The following PAX3 variants were observed in gnomAD, a reference collection of about 807,000 sequenced individuals.
The protein encoded by PAX3 is paired box 3.
Under a neutral mutation model 51.6 loss-of-function variants are expected in PAX3, and 14 were observed. The observed-to-expected ratio is 0.27, with a 90% CI of 0.18 to 0.42. The LOEUF is 0.42. Ranked by LOEUF, PAX3 falls within the 10% of genes least tolerant of loss-of-function variation. The pLI is 1.00. For synonymous variants in PAX3, 280 were observed against 253.4 expected, an observed-to-expected ratio of 1.11 and a Z score of -1.00; for missense variants, 540 against 642.8, an observed-to-expected ratio of 0.84 and a Z score of 1.73.
intron 4 of PAX3, among the ~76,000 whole-genome samples, chr2:222,282,742 T>C (rs139653619): frequency 2.2e-3 from 340 of 152,144 alleles, no homozygotes; most frequent in African/African-American, 8.0e-3. Context: ...AAATAGTAAA[T>C]AGGGAAAAAG....
intron 4 of PAX3, chr2:222,293,864 G>A (rs1309946122): frequency 1.9e-6 from 3 of 1,611,196 alleles, no homozygotes; most frequent in Non-Finnish European, 2.5e-6. Context: ...TGGCAACAGA[G>A]TGAGAGCTTC....
intron 4 of PAX3, among the ~76,000 whole-genome samples, chr2:222,291,681 C>A (rs1695044142): frequency 6.6e-6 from 1 of 152,126 alleles, no homozygotes; most frequent in Non-Finnish European, 1.5e-5. Flanking sequence ...GGTCAGGGGA[C>A]CCCAAAGTTC....
intron 4 of PAX3, among the ~76,000 whole-genome samples, chr2:222,250,937 C>T (rs1009647971): frequency 6.6e-6 from 1 of 152,104 alleles, no homozygotes; most frequent in African/African-American, 2.4e-5. Flanking sequence ...CTGACTGCCA[C>T]TGCTCCTGGA....
chr2:222,243,891 T>A (rs1299310889), intron 4 of PAX3, among the ~76,000 whole-genome samples: 1 of 152,188 alleles, frequency 6.6e-6, no homozygotes, highest in Non-Finnish European at 1.5e-5. Flanking sequence ...CTGAGCTTAA[T>A]CCTTGCTGGC....
In PAX3 at chr2:222,291,555, C is replaced by T. The variant is rs539954675; in HGVS notation, c.586+2612G>A. ...TCTGACCTCATTCAAAGTGGCTCAA[C>T]CCTTTTGTCCTAGTGTCTGCCAAGC... is the stretch of plus-strand genomic sequence containing the variant. On this transcript the variant is annotated intron_variant, in intron 4 of 8. Transcript: ENST00000392070. 1.6e-4 allele frequency among the ~76,000 whole-genome samples: 24 copies of T among 152,278 alleles called. No homozygotes were observed. The South Asian group carries it at 4.8e-3, about 30-fold the overall frequency.
chr2:222,252,809 C>A (rs1461579099), intron 4 of PAX3, among the ~76,000 whole-genome samples: 2 of 152,082 alleles, frequency 1.3e-5, no homozygotes, highest in South Asian at 2.1e-4. Flanking sequence ...CAAAACTGAG[C>A]TATTGCTCAG....
chr2:222,225,964 G>A (rs984013937), intron 5 of PAX3, among the ~76,000 whole-genome samples: 1 of 152,110 alleles, frequency 6.6e-6, no homozygotes, highest in African/African-American at 2.4e-5. Context: ...CTTGAATGGA[G>A]GCTTAGGTCA....
In PAX3 at chr2:222,298,961, G is replaced by A. The variant is rs1695464329; in HGVS notation, c.-346C>T. 4.4e-6 allele frequency: 2 copies of A among 458,434 alleles called. No homozygotes were observed. The highest frequency in any genetic ancestry group is 1.9e-5 in the African/African-American group (1 of 51,480). 28.4% of individuals were successfully genotyped at this position (458,434 alleles called of 1,614,324 possible). On this transcript the variant is annotated 5_prime_UTR_variant, in exon 1 of 9. Transcript: ENST00000392070. ...GGGGAGCCTGGTGAGGCTGGAGCGC[G>A]GCCTGCCTGAGTCTCCTCCTGTGGT...
At chr2:222,278,527 G>A (rs1694511326) in intron 4 of PAX3, among the ~76,000 whole-genome samples, 1 of 152,172 alleles carries the variant, frequency 6.6e-6, no homozygotes, top group Admixed American at 6.5e-5. Flanking sequence ...TTGTCCTTCT[G>A]CTTTTTGCCA....
In PAX3 at chr2:222,200,875, G is replaced by C. The variant is rs980634930; in HGVS notation, c.*533C>G. ...GCATTTATCTTTATTTCAATTTCCA[G>C]TGTGTAAGAGTCAAGGATTCCTCCA... On this transcript the variant is annotated 3_prime_UTR_variant, in exon 9 of 9. Coordinates refer to ENST00000392070, the MANE Select transcript of PAX3 (RefSeq NM_181458.4). The C allele has an allele frequency of 2.3e-6, 1 of 426,940 alleles. No individual in the cohort carries two copies. The highest frequency in any genetic ancestry group is 2.0e-5 in the African/African-American group (1 of 50,398). 26.4% of individuals were successfully genotyped at this position (426,940 alleles called of 1,614,324 possible).
At chr2:222,211,294 A>G (rs952809542) in intron 7 of PAX3, among the ~76,000 whole-genome samples, 5 of 152,214 alleles carry the variant, frequency 3.3e-5, no homozygotes, top group Non-Finnish European at 5.9e-5. Flanking sequence ...AAGTTGAACA[A>G]GAAGGTACAG....
chr2:222,220,535 C>G (rs1176226712), intron 6 of PAX3, among the ~76,000 whole-genome samples, 181 bp from the exon 7 acceptor site: 1 of 152,124 alleles, frequency 6.6e-6, no homozygotes, highest in Admixed American at 6.5e-5. Context: ...ACAGTCACAC[C>G]TATCTCTGCA....
chr2:222,292,542 C>A (rs899630013), intron 4 of PAX3, among the ~76,000 whole-genome samples: 3 of 152,212 alleles, frequency 2.0e-5, no homozygotes. Context: ...AGCCAGTCTG[C>A]CAGCGCCGGA....
chr2:222,284,349 C>T (rs1694750769), intron 4 of PAX3, among the ~76,000 whole-genome samples: 1 of 152,128 alleles, frequency 6.6e-6, no homozygotes, highest in African/African-American at 2.4e-5. Flanking sequence ...TCCTGATCTG[C>T]TGAAAAAACT....
At chr2:222,280,394 AAAAG>A (rs1294106161) in intron 4 of PAX3, among the ~76,000 whole-genome samples, 14 of 148,498 alleles carry the variant, frequency 9.4e-5, no homozygotes, top group Admixed American at 3.4e-4. Context: ...GAAGGAAGGA[AAAAG>A]AAAGAAAGAA....
chr2:222,289,872 A>T (rs1367635423), intron 4 of PAX3, among the ~76,000 whole-genome samples: 1 of 152,208 alleles, frequency 6.6e-6, no homozygotes, highest in Non-Finnish European at 1.5e-5. Context: ...TTTTGCAAGG[A>T]CTTCAGAAAA....
chr2:222,238,855 G>T (rs1692897106), intron 4 of PAX3, among the ~76,000 whole-genome samples: 1 of 152,186 alleles, frequency 6.6e-6, no homozygotes, highest in Non-Finnish European at 1.5e-5. Context: ...TATTCCAGAA[G>T]GTCTTTAACA....
chr2:222,267,708 G>A (rs45449595), intron 4 of PAX3, among the ~76,000 whole-genome samples: 2,501 of 152,190 alleles, frequency 0.016, 87 homozygotes, highest in African/African-American at 0.058. Context: ...CTGCTCTATT[G>A]ACTGTCTCTG....
At position 222,221,224 on chromosome 2, in the gene PAX3, T is replaced by C; in HGVS notation, c.956A>G (p.Gln319Arg). ...ETSYQPTSIP[Q>R]AVSDPSSTVH... Reference sequence around the variant, plus strand: ...TCTCCTTGACTCTTCCTCGGTACCTTGTGGAATAGATGTGGGCTGGTAAGA... The same window carrying C: ...TCTCCTTGACTCTTCCTCGGTACCTCGTGGAATAGATGTGGGCTGGTAAGA... Residue 319 changes from glutamine (Q) to arginine (R), a missense_variant and splice_region_variant, in exon 6 of 9, where the codon CAA becomes CGA. Gln to Arg is a conservative substitution (Grantham distance 43). This residue lies in a region of PAX3 where 427 missense variants were observed against 483.6 expected (regional missense o/e 0.88). Coordinates refer to ENST00000392070, the MANE Select transcript of PAX3 (RefSeq NM_181458.4). The C allele has an allele frequency of 6.2e-7, 1 of 1,613,864 alleles. No homozygotes were observed. The highest frequency in any genetic ancestry group is 1.1e-5 in the South Asian group (1 of 91,066).
Sources: allele counts gnomAD v4.1 joint callset (sites outside exome capture counted in the v4.1 genomes callset), GRCh38; gene constraint gnomAD v4.1.1; regional missense constraint gnomAD v4.1.1; transcripts MANE v1.5; gene names NCBI Gene and HGNC (gene_info 2026-07-23, HGNC 2026-07-21).